Variants in ITGA6 observed in about 807,000 individuals in gnomAD.
ITGA6 encodes the protein integrin alpha-6.
Under a neutral mutation model 133.6 loss-of-function variants are expected in ITGA6, and 63 were observed. The ratio of observed to expected loss-of-function variants is 0.47; its 90% CI spans 0.38 to 0.58. The LOEUF (loss-of-function observed/expected upper bound fraction) is 0.58. Among genes scored for constraint, ITGA6 ranks in the 20% least tolerant of loss-of-function variants. ITGA6 has a pLI of 0.00. For missense variants in ITGA6, 1,068 were observed against 1,309.4 expected, an observed-to-expected ratio of 0.82 and a Z score of 2.85; for synonymous variants, 434 against 482.0, an observed-to-expected ratio of 0.90 and a Z score of 1.30.
chr2:172,441,340 T>A (rs550437517), intron 1 of ITGA6, among the ~76,000 whole-genome samples: 1 of 152,096 alleles, frequency 6.6e-6, no homozygotes, highest in African/African-American at 2.4e-5. Context: ...GATTTATCTG[T>A]GTTTGCCTAG....
chr2:172,488,744 A>T (rs1559150607), intron 19 of ITGA6, among the ~76,000 whole-genome samples: 1 of 152,220 alleles, frequency 6.6e-6, no homozygotes, highest in East Asian at 1.9e-4. Context: ...CTGAAGGCAT[A>T]GTGACCACTG....
chr2:172,465,819 C>A, intron 2 of ITGA6, 156 bp downstream of exon 2: 3 of 1,057,374 alleles, frequency 2.8e-6, no homozygotes, highest in Middle Eastern at 2.8e-4. Context: ...AAAATATTTA[C>A]TTACTTTACT....
In ITGA6 at chr2:172,494,471, A is replaced by G. The variant is rs549693073; in HGVS notation, c.2988+2948A>G. Among the ~76,000 whole-genome samples the G allele has an allele frequency of 2.6e-5, 4 of 152,288 alleles. No individual in the cohort carries two copies. In the East Asian group the frequency reaches 7.7e-4, roughly 29 times the overall value. ...TGCAGTGAGCCAAGAGTGTGCCACT[A>G]CACTCCAGCCAGGACAACAGAGTGA... On this transcript the variant is annotated intron_variant, in intron 23 of 25. Coordinates refer to ENST00000684293, the MANE Select transcript of ITGA6 (RefSeq NM_000210.4).
At chr2:172,444,949 T>G (rs994823404) in intron 1 of ITGA6, among the ~76,000 whole-genome samples, 3 of 145,932 alleles carry the variant, frequency 2.1e-5, no homozygotes, top group African/African-American at 7.5e-5. Flanking sequence ...GGCATATAAC[T>G]TGATTTCTGT....
At position 172,501,822 on chromosome 2, in the gene ITGA6, C is replaced by T. The variant is rs1048469324; in HGVS notation, c.3165C>T (p.His1055=). ...NKKDHYDATY[H]KAEIHAQPSD... ...AAGATCATTATGATGCCACATATCA[C>T]AAGGCTGAGATCCATGCTCAGCCAT... Residue 1055 remains histidine, a synonymous_variant, in exon 25 of 26, where the codon CAC becomes CAT. Transcript: ENST00000684293. 9.9e-6 allele frequency: 16 copies of T among 1,611,164 alleles called. No homozygotes were observed. Among genetic ancestry groups the T allele is most frequent in the Non-Finnish European group, 1.4e-5 (16 of 1,178,010 alleles).
At position 172,447,847 on chromosome 2, in the gene ITGA6, TTC is replaced by T. The variant is rs932460272; in HGVS notation, c.183-17691_183-17690del. Among the ~76,000 whole-genome samples the T allele has an allele frequency of 2.9e-3, 433 of 151,740 alleles. 2 individuals carry two copies. The highest frequency in any genetic ancestry group is 0.01 in the African/African-American group (419 of 41,012). The stretch of plus-strand genomic sequence containing the variant: ...ATTGAGGGTTGTGATTTCACATTTT[TTC>T]CCCCGGTACGTGGTAAAGACTTTGA... On this transcript the variant is annotated intron_variant, in intron 1 of 25. Transcript: ENST00000684293.
chr2:172,483,959 C>T (rs1025316538), intron 11 of ITGA6, among the ~76,000 whole-genome samples: 3 of 152,060 alleles, frequency 2.0e-5, no homozygotes, highest in Admixed American at 2.0e-4. Flanking sequence ...TACAGGCATG[C>T]GCCACCAAGC....
At position 172,450,462 on chromosome 2, in the gene ITGA6, G is replaced by T. The variant is rs1184083151; in HGVS notation, c.183-15077G>T. Among the ~76,000 whole-genome samples the T allele has an allele frequency of 6.6e-5, 10 of 152,290 alleles. No homozygotes were observed. In the South Asian group the frequency reaches 1.4e-3, roughly 22 times the overall value. On this transcript the variant is annotated intron_variant, in intron 1 of 25. Coordinates refer to ENST00000684293, the MANE Select transcript of ITGA6 (RefSeq NM_000210.4). The stretch of plus-strand genomic sequence containing the variant: ...CTTGAAGCAAAACACAAATGAAAGG[G>T]TTGATCACAAACTGGATTAAAGTTG...
In ITGA6 at chr2:172,474,165, A is replaced by G; in HGVS notation, c.886A>G (p.Met296Val). The change falls in exon 6 of 26, where the codon ATG (methionine) becomes GTG (valine). Residue 296 changes from methionine to valine, a missense_variant. Around this residue, in one of 3 missense-constraint regions of ITGA6, gnomAD observed 317 missense variants for 456.9 expected, o/e 0.69. Coordinates refer to ENST00000684293, the MANE Select transcript of ITGA6 (RefSeq NM_000210.4). ...SGAVVLLKRD[M>V]KSAHLLPEHI... ...AGCCGTGGTTTTGCTGAAGAGAGAC[A>G]TGAAGTCTGCACATCTCCTCCCTGA... 2 of 1,614,110 alleles carry G rather than the reference A, an allele frequency of 1.2e-6. No homozygotes were observed. Among genetic ancestry groups the G allele is most frequent in the Non-Finnish European group, 1.7e-6 (2 of 1,180,006 alleles).
rs779259818 is a variant in ITGA6 at position 172,427,962 on chromosome 2, C to G, written c.174C>G (p.Asp58Glu). Residue 58 changes from aspartate to glutamate, a missense_variant, in exon 1 of 26, where the codon GAC (aspartate) becomes GAG (glutamate). By Grantham distance (45) the Asp-to-Glu change is conservative. This residue lies in a region of ITGA6 where 142 missense variants were observed against 145.3 expected (regional missense o/e 0.98). Transcript: ENST00000684293. ...LAMHWQLQPE[D>E]KRLLLVGAPR... ...TGCACTGGCAACTGCAGCCCGAGGA[C>G]AAGCGGCTGTGAGTTCCCAGACCCT... 3 of 1,604,134 alleles carry G rather than the reference C, an allele frequency of 1.9e-6. No individual in the cohort carries two copies. Among genetic ancestry groups the G allele is most frequent in the Non-Finnish European group, 8.5e-7 (1 of 1,176,032 alleles).
At chr2:172,467,628 C>T (rs1685737910) in intron 3 of ITGA6, 68 bp downstream of exon 3, 2 of 1,111,104 alleles carry the variant, frequency 1.8e-6, no homozygotes, top group Non-Finnish European at 2.8e-6. Context: ...ACCAGGCTTA[C>T]AGCAGGGGAC....
chr2:172,472,729 T>G, intron 5 of ITGA6: 3 of 1,249,406 alleles, frequency 2.4e-6, no homozygotes, highest in Non-Finnish European at 3.5e-6. Context: ...TTACCAAGCA[T>G]AATTACTTTT....
chr2:172,493,858 C>T (rs570252515), intron 23 of ITGA6, among the ~76,000 whole-genome samples: 2 of 152,166 alleles, frequency 1.3e-5, no homozygotes, highest in South Asian at 4.1e-4. Context: ...CCCTGGTGTC[C>T]AGTCTGATGA....
intron 1 of ITGA6, among the ~76,000 whole-genome samples, chr2:172,457,510 A>C (rs944265824): frequency 6.6e-6 from 1 of 152,166 alleles, no homozygotes; most frequent in Admixed American, 6.5e-5. Flanking sequence ...AATACAAATA[A>C]AATTATTTTT....
At chr2:172,440,003 A>G (rs919604221) in intron 1 of ITGA6, among the ~76,000 whole-genome samples, 5 of 152,204 alleles carry the variant, frequency 3.3e-5, no homozygotes, top group South Asian at 2.1e-4. Flanking sequence ...CCTGCTTACT[A>G]GGGCACTCCA....
intron 20 of ITGA6, 25 bp downstream of exon 20, chr2:172,489,683 T>G: frequency 6.3e-7 from 1 of 1,593,752 alleles, no homozygotes; most frequent in Non-Finnish European, 8.6e-7. Flanking sequence ...TTATCTAATG[T>G]CTCCATAAAT....
intron 1 of ITGA6, among the ~76,000 whole-genome samples, chr2:172,434,880 A>G (rs1684252022): frequency 6.6e-6 from 1 of 152,130 alleles, no homozygotes; most frequent in Non-Finnish European, 1.5e-5. Flanking sequence ...AATAATTTGA[A>G]AGGGGCACAC....
intron 5 of ITGA6, 88 bp downstream of exon 5, chr2:172,471,193 T>G: frequency 1.3e-6 from 2 of 1,526,996 alleles, no homozygotes; most frequent in Non-Finnish European, 1.8e-6. Context: ...CCCCTGGACT[T>G]CTAGGCTGAG....
chr2:172,481,463 T>TGAA (rs1686436686), intron 11 of ITGA6, among the ~76,000 whole-genome samples: 1 of 152,220 alleles, frequency 6.6e-6, no homozygotes, highest in South Asian at 2.1e-4. Context: ...GACAACAGAA[T>TGAA]GAAGATACTG....
Sources: allele counts gnomAD v4.1 joint callset (sites outside exome capture counted in the v4.1 genomes callset), GRCh38; gene constraint gnomAD v4.1.1; regional missense constraint gnomAD v4.1.1; transcripts MANE v1.5; gene names NCBI Gene and HGNC (gene_info 2026-07-23, HGNC 2026-07-21).